The following KLHL13 variants were observed in gnomAD, a reference collection of about 807,000 sequenced individuals.
KLHL13 encodes the protein kelch-like protein 13.
KLHL13 carries 10 observed loss-of-function variants against 37.1 expected under a neutral mutation model. The observed-to-expected ratio is 0.27, with a 90% CI of 0.17 to 0.46. The LOEUF is 0.46. Ranked by LOEUF, KLHL13 falls within the 20% of genes least tolerant of loss-of-function variation. KLHL13 has a pLI of 1.00. For missense variants in KLHL13, 360 were observed against 509.3 expected, an observed-to-expected ratio of 0.71 and a Z score of 2.82; for synonymous variants, 163 against 181.2, an observed-to-expected ratio of 0.90 and a Z score of 0.81.
intron 1 of KLHL13, among the ~76,000 whole-genome samples, chrX:118,104,197 A>G (rs2497851): frequency 0.25 from 27,551 of 109,807 alleles, 5,834 homozygotes; most frequent in African/African-American, 0.71. Flanking sequence ...ATTCTAGCCT[A>G]GAAAACAGAA....
rs934588658 is a variant in KLHL13 at position 118,106,370 on chromosome X, A to T, written c.-56+10138T>A. 7.2e-5 allele frequency among the ~76,000 whole-genome samples: 8 copies of T among 111,589 alleles called. No homozygotes were observed. The South Asian group carries it at 1.9e-3, about 26-fold the overall frequency. On this transcript the variant is annotated intron_variant, in intron 1 of 6. Transcript: ENST00000371882. ...TCATGCTTCAAAAGAAAGATGCTCT[A>T]AAAATAAAGGGTATTATCTTTATTT...
chrX:117,931,548 T>C (rs777604547), intron 2 of KLHL13, among the ~76,000 whole-genome samples: 4 of 112,247 alleles, frequency 3.6e-5, no homozygotes, highest in Non-Finnish European at 7.5e-5. Flanking sequence ...ACATTCTGTG[T>C]AATTCTGCTG....
intron 1 of KLHL13, among the ~76,000 whole-genome samples, chrX:117,948,141 A>C (rs1228753719): frequency 8.9e-6 from 1 of 111,839 alleles, no homozygotes; most frequent in Non-Finnish European, 1.9e-5. Flanking sequence ...AAAACAGGAC[A>C]GTTCTCTAGG....
intron 1 of KLHL13, among the ~76,000 whole-genome samples, chrX:118,092,289 A>C (rs1281056158): frequency 8.9e-6 from 1 of 112,104 alleles, no homozygotes; most frequent in Non-Finnish European, 1.9e-5. Context: ...TTAACAAATA[A>C]AAAATTTTTA....
intron 4 of KLHL13, among the ~76,000 whole-genome samples, chrX:117,912,309 C>T (rs1393910406): frequency 9.0e-6 from 1 of 111,582 alleles, no homozygotes; most frequent in African/African-American, 3.3e-5. Flanking sequence ...TACTAAAAAA[C>T]AACAAAGAAT....
At chrX:118,025,643 C>A (rs2054266777) in intron 1 of KLHL13, among the ~76,000 whole-genome samples, 1 of 111,916 alleles carries the variant, frequency 8.9e-6, no homozygotes, top group Non-Finnish European at 1.9e-5. Flanking sequence ...GGTCAAAGTT[C>A]TTGACTTACA....
chrX:118,088,314 G>A (rs986302669), intron 1 of KLHL13, among the ~76,000 whole-genome samples: 2 of 111,523 alleles, frequency 1.8e-5, no homozygotes, highest in Non-Finnish European at 3.8e-5. Context: ...TAGTTAACCG[G>A]TACTGCAATA....
chrX:117,960,706 G>C (rs2147857484), intron 1 of KLHL13, among the ~76,000 whole-genome samples: 1 of 111,993 alleles, frequency 8.9e-6, no homozygotes, highest in South Asian at 3.7e-4. Context: ...ATCTGATTTT[G>C]AACAGTCTTT....
chrX:117,964,057 G>C (rs2053362608), intron 1 of KLHL13, among the ~76,000 whole-genome samples: 1 of 78,025 alleles, frequency 1.3e-5, no homozygotes, highest in Admixed American at 1.5e-4. Flanking sequence ...TCGGGGGAGG[G>C]GGGAGGGATA....
intron 1 of KLHL13, among the ~76,000 whole-genome samples, chrX:118,043,186 A>G (rs2054523385): frequency 9.0e-6 from 1 of 111,652 alleles, no homozygotes; most frequent in African/African-American, 3.2e-5. Context: ...ACACTGACCC[A>G]TGAAAAAATC....
chrX:118,007,407 G>T (rs2053999328), intron 1 of KLHL13, among the ~76,000 whole-genome samples: 1 of 104,312 alleles, frequency 9.6e-6, no homozygotes. Context: ...AGAGAGACCT[G>T]CCAGCCCTGG....
At chrX:118,101,213 G>C (rs187896253) in intron 1 of KLHL13, among the ~76,000 whole-genome samples, 1 of 111,542 alleles carries the variant, frequency 9.0e-6, no homozygotes, top group East Asian at 2.8e-4. Flanking sequence ...CCCAGTCCTA[G>C]CTACTGGAAA....
At chrX:118,032,469 C>G (rs994780782) in intron 1 of KLHL13, among the ~76,000 whole-genome samples, 5 of 111,906 alleles carry the variant, frequency 4.5e-5, no homozygotes, top group African/African-American at 6.5e-5. Flanking sequence ...AGGCACCCCC[C>G]AGCAGGGGCA....
intron 1 of KLHL13, among the ~76,000 whole-genome samples, chrX:118,025,221 T>C (rs2054261595): frequency 8.9e-6 from 1 of 111,836 alleles, no homozygotes; most frequent in Non-Finnish European, 1.9e-5. Flanking sequence ...GCCCAGATGA[T>C]AGTACAGTAG....
chrX:118,053,328 A>C (rs758385305), intron 1 of KLHL13, among the ~76,000 whole-genome samples: 1 of 112,029 alleles, frequency 8.9e-6, no homozygotes, highest in Non-Finnish European at 1.9e-5. Context: ...TGATGAGTTC[A>C]TGTCCTTTGT....
chrX:117,966,047 C>A (rs1265111375), intron 1 of KLHL13, among the ~76,000 whole-genome samples: 5 of 111,587 alleles, frequency 4.5e-5, no homozygotes, highest in Non-Finnish European at 5.6e-5. Flanking sequence ...GTTGGAAGTT[C>A]TGGCCAGGGC....
intron 1 of KLHL13, among the ~76,000 whole-genome samples, chrX:118,013,733 T>C (rs5956847): frequency 8.9e-6 from 1 of 112,212 alleles, no homozygotes; most frequent in South Asian, 3.7e-4. Context: ...AATACCCCCA[T>C]GTTGCAGGAA....
intron 1 of KLHL13, among the ~76,000 whole-genome samples, chrX:118,097,240 A>G (rs2055221073): frequency 8.9e-6 from 1 of 111,808 alleles, no homozygotes; most frequent in African/African-American, 3.3e-5. Flanking sequence ...GTCTCAGGAT[A>G]CAAAATCAAT....
intron 1 of KLHL13, among the ~76,000 whole-genome samples, chrX:118,022,590 T>C (rs1202340750): frequency 8.9e-6 from 1 of 112,270 alleles, no homozygotes; most frequent in Non-Finnish European, 1.9e-5. Flanking sequence ...GATGATGTGA[T>C]GTTGAGCACC....
Sources: allele counts gnomAD v4.1 joint callset (sites outside exome capture counted in the v4.1 genomes callset), GRCh38; gene constraint gnomAD v4.1.1; transcripts MANE v1.5; gene names NCBI Gene and HGNC (gene_info 2026-07-23, HGNC 2026-07-21).